Variants in SRBD1 observed in about 807,000 individuals in gnomAD.
SRBD1 encodes the protein S1 RNA binding domain 1, also known as S1 RNA-binding domain-containing protein 1.
A neutral mutation model predicts 115.3 loss-of-function variants in SRBD1; 88 were observed. That is an observed-to-expected ratio of 0.76 (90% CI 0.64 to 0.91). The LOEUF (loss-of-function observed/expected upper bound fraction) is 0.91. SRBD1 is among the 40% of genes least tolerant of loss of function. SRBD1 has a pLI of 0.00. For synonymous variants in SRBD1, 509 were observed against 407.7 expected, an observed-to-expected ratio of 1.25 and a Z score of -2.99; for missense variants, 1,385 against 1,177.4, an observed-to-expected ratio of 1.18 and a Z score of -2.58.
At chr2:45,469,173 T>C (rs967392871) in intron 16 of SRBD1, among the ~76,000 whole-genome samples, 1 of 152,186 alleles carries the variant, frequency 6.6e-6, no homozygotes, top group African/African-American at 2.4e-5. Context: ...ATATATTGTT[T>C]TCTGACTGAG....
Position 45,418,256 on chromosome 2 carries a change from G to A in SRBD1, c.2333+109C>T, listed in dbSNP as rs1174220115. On this transcript the variant is annotated intron_variant, in intron 18 of 20. Transcript: ENST00000263736. ...GTCACTCAACACTTAACTGAATGAA[G>A]GCATGAACAATGGACACTTAGAAAA... 11 of 1,272,494 alleles carry A rather than the reference G, an allele frequency of 8.6e-6. No individual in the cohort carries two copies. The East Asian group carries it at 2.6e-4, about 30-fold the overall frequency. The allele number at this position is 1,272,494 out of a possible 1,614,324, so 78.8% of individuals were successfully genotyped here. A position where few individuals can be genotyped will look rare whatever the true frequency, so the allele number is the denominator to read the frequency against.
Position 45,414,577 on chromosome 2 carries a change from T to G in SRBD1, c.2334-1284A>C, listed in dbSNP as rs565966548. 4.1e-5 allele frequency among the ~76,000 whole-genome samples: 6 copies of G among 146,770 alleles called. No homozygotes were observed. The South Asian group carries it at 1.3e-3, about 32-fold the overall frequency. On this transcript the variant is annotated intron_variant, in intron 18 of 20. Coordinates refer to ENST00000263736, the MANE Select transcript of SRBD1 (RefSeq NM_018079.5). ...GTAGTGTGTGTACACACATAGTGTG[T>G]ATATAGTGTGTGTGTACACATAGTG...
chr2:45,448,732 C>T (rs1193065085), intron 16 of SRBD1, among the ~76,000 whole-genome samples: 1 of 152,110 alleles, frequency 6.6e-6, no homozygotes, highest in South Asian at 2.1e-4. Context: ...ACTGAAGCTA[C>T]CCTGAAAGAA....
rs943916350 is a variant in SRBD1, at chr2:45,564,330, C to G, written c.1306-1574G>C. Among the ~76,000 whole-genome samples the G allele has an allele frequency of 7.2e-5, 11 of 152,250 alleles. No individual in the cohort carries two copies. The East Asian group carries it at 7.7e-4, about 11-fold the overall frequency. ...AAAGGGCTTGTGCACAGAAATCTCA[C>G]AGCTAACATCATATTTACTGGTCAA... On this transcript the variant is annotated intron_variant, in intron 9 of 20. Transcript: ENST00000263736.
chr2:45,413,205 T>G lies in SRBD1; in HGVS notation c.2422A>C (p.Lys808Gln), dbSNP rs748652004. ...VEVTNEKQGK[K>Q]KSKTAVNVLL... ...ACATTCACTGCAGTTTTGCTCTTCT[T>G]TTTGCCCTGCTTCTCATTTGTGACC... Residue 808 changes from lysine to glutamine, a missense_variant, in exon 19 of 21, where the codon AAG becomes CAG. By Grantham distance (53) the Lys-to-Gln change is moderately conservative. Transcript: ENST00000263736. 25 of 1,614,000 alleles carry G rather than the reference T, an allele frequency of 1.5e-5. 1 individual carries two copies. In the Admixed American group the frequency reaches 4.0e-4, roughly 26 times the overall value.
chr2:45,501,356 G>C (rs542827712), intron 14 of SRBD1, among the ~76,000 whole-genome samples: 2 of 152,302 alleles, frequency 1.3e-5, no homozygotes, highest in Non-Finnish European at 2.9e-5. Context: ...AACAGCTCCA[G>C]TCTACAGCTC....
intron 16 of SRBD1, among the ~76,000 whole-genome samples, chr2:45,458,813 T>C (rs1400477829): frequency 6.6e-6 from 1 of 152,184 alleles, no homozygotes; most frequent in Non-Finnish European, 1.5e-5. Flanking sequence ...TCAGGTATTT[T>C]ATTACAACTC....
At chr2:45,461,415 G>A (rs185121888) in intron 16 of SRBD1, among the ~76,000 whole-genome samples, 40 of 152,246 alleles carry the variant, frequency 2.6e-4, no homozygotes, top group Admixed American at 2.3e-3. Context: ...CTCTCTCTAG[G>A]CAGGTTCACA....
Position 45,547,529 on chromosome 2 carries a change from T to C in SRBD1, c.1759A>G (p.Asn587Asp), listed in dbSNP as rs762907444. Reference sequence around the variant, plus strand: ...GATTACTTATTTTCATACTTGAAATTCAGCAAAAGTGTCTTTATTTTCTCC... The same window carrying C: ...GATTACTTATTTTCATACTTGAAATCCAGCAAAAGTGTCTTTATTTTCTCC... ...EAEKIKTLLLNFNCSTVVIGN... is the reference protein window; with the variant it reads ...EAEKIKTLLLDFNCSTVVIGN... The change falls in exon 13 of 21, where the codon AAT becomes GAT. Residue 587 changes from asparagine to aspartate, a missense_variant. By Grantham distance (23) the Asn-to-Asp change is conservative. Coordinates refer to ENST00000263736, the MANE Select transcript of SRBD1 (RefSeq NM_018079.5). 3.1e-6 allele frequency: 5 copies of C among 1,613,536 alleles called. No individual in the cohort carries two copies. Among genetic ancestry groups the C allele is most frequent in the Admixed American group, 3.3e-5 (2 of 59,982 alleles).
At chr2:45,392,158 T>C (rs748764920) in intron 20 of SRBD1, among the ~76,000 whole-genome samples, 1 of 152,170 alleles carries the variant, frequency 6.6e-6, no homozygotes, top group East Asian at 1.9e-4. Context: ...GAAGAAGGAA[T>C]AGTACAATGA....
At chr2:45,404,773 C>T (rs368968947) in intron 19 of SRBD1, among the ~76,000 whole-genome samples, 1 of 152,172 alleles carries the variant, frequency 6.6e-6, no homozygotes, top group African/African-American at 2.4e-5. Context: ...TTCAGAACTA[C>T]AGTCAAACCC....
At chr2:45,445,671 G>T (rs1349506574) in intron 16 of SRBD1, among the ~76,000 whole-genome samples, 1 of 150,624 alleles carries the variant, frequency 6.6e-6, no homozygotes, top group Non-Finnish European at 1.5e-5. Flanking sequence ...AAACCATGTT[G>T]TCAGTGACTT....
chr2:45,476,888 GA>G lies in SRBD1; in HGVS notation c.2049+104del, dbSNP rs1325214464. 6.9e-6 allele frequency: 7 copies of G among 1,018,282 alleles called. No individual in the cohort carries two copies. In the Admixed American group the frequency reaches 1.0e-4, roughly 15 times the overall value. 63.1% of individuals were successfully genotyped at this position (1,018,282 alleles called of 1,614,324 possible). ...TACTTTCCACAAACTGTATAACCTT[GA>G]AAATGGGAATCTACTCCCACAGACA... On this transcript the variant is annotated intron_variant, in intron 16 of 20. Transcript: ENST00000263736.
intron 19 of SRBD1, among the ~76,000 whole-genome samples, chr2:45,404,672 G>A (rs1667379800): frequency 6.6e-6 from 1 of 152,038 alleles, no homozygotes; most frequent in African/African-American, 2.4e-5. Context: ...AGTTTAACTG[G>A]TCTCCCTGCT....
At chr2:45,526,888 G>A (rs1671459078) in intron 14 of SRBD1, among the ~76,000 whole-genome samples, 1 of 151,834 alleles carries the variant, frequency 6.6e-6, no homozygotes, top group African/African-American at 2.4e-5. Flanking sequence ...TCAAGAGCAT[G>A]AATAGCTACG....
chr2:45,548,650 T>C (rs1672194768), intron 12 of SRBD1, among the ~76,000 whole-genome samples: 1 of 151,588 alleles, frequency 6.6e-6, no homozygotes, highest in Non-Finnish European at 1.5e-5. Flanking sequence ...TTTTAAAAAA[T>C]TCTAGTAATA....
intron 9 of SRBD1, among the ~76,000 whole-genome samples, chr2:45,564,860 A>G (rs1030677489): frequency 2.0e-4 from 30 of 152,204 alleles, no homozygotes; most frequent in African/African-American, 7.0e-4. Flanking sequence ...TGCAGGGCCA[A>G]CTCTGGGACT....
chr2:45,392,826 T>C (rs1667040141), intron 20 of SRBD1, 119 bp downstream of exon 20: 15 of 948,508 alleles, frequency 1.6e-5, no homozygotes, highest in Middle Eastern at 2.3e-4. Flanking sequence ...ATTTTTCTCA[T>C]GTATAAAATG....
chr2:45,459,887 A>G (rs553889100), intron 16 of SRBD1, among the ~76,000 whole-genome samples: 1 of 152,228 alleles, frequency 6.6e-6, no homozygotes, highest in South Asian at 2.1e-4. Context: ...TGTTTCTGAA[A>G]TTTTAGTTTA....
Sources: gnomAD v4.1 joint callset for allele counts (sites outside exome capture counted in the v4.1 genomes callset) on GRCh38, gnomAD v4.1.1 for gene constraint, MANE v1.5 for transcripts, NCBI Gene and HGNC (gene_info 2026-07-23, HGNC 2026-07-21) for gene names.